Variants in EML4 observed in about 807,000 individuals in gnomAD.
EML4 encodes the protein EMAP like 4, also known as echinoderm microtubule-associated protein-like 4.
Under a neutral mutation model 129.0 loss-of-function variants are expected in EML4, and 72 were observed. That is an observed-to-expected ratio of 0.56 (90% CI 0.46 to 0.68). The LOEUF (loss-of-function observed/expected upper bound fraction) is 0.68, where lower values mean the gene tolerates loss of function less well. Among genes scored for constraint, EML4 ranks in the 30% least tolerant of loss-of-function variants. The pLI, the probability that EML4 is intolerant of heterozygous loss-of-function variation, is 0.00. For synonymous variants in EML4, 532 were observed against 405.0 expected, an observed-to-expected ratio of 1.31 and a Z score of -3.77; for missense variants, 1,363 against 1,190.6, an observed-to-expected ratio of 1.14 and a Z score of -2.13.
At chr2:42,315,844 T>C (rs1167071520) in intron 17 of EML4, 118 bp from the exon 18 acceptor site, 1 of 699,736 alleles carries the variant, frequency 1.4e-6, no homozygotes, top group Non-Finnish European at 2.5e-6. Context: ...GATCACTCCA[T>C]GCACACCAGC....
At position 42,169,452 on chromosome 2, in the gene EML4, C is replaced by G. The variant is rs1670116068; in HGVS notation, c.-160C>G. 1.4e-6 allele frequency: 1 copy of G among 729,190 alleles called. No homozygotes were observed. Among genetic ancestry groups the G allele is most frequent in the Admixed American group, 3.5e-5 (1 of 28,396 alleles). 45.2% of individuals were successfully genotyped at this position (729,190 alleles called of 1,614,324 possible). On this transcript the variant is annotated 5_prime_UTR_variant, in exon 1 of 23. Transcript: ENST00000318522. Reference sequence around the variant, plus strand: ...AAGTGGTTCGGGCGGCCGCGGCTTACTACCCCAGGGCGAACGGACGGACGA... The same window carrying G: ...AAGTGGTTCGGGCGGCCGCGGCTTAGTACCCCAGGGCGAACGGACGGACGA...
At chr2:42,234,632 A>G (rs566250014) in intron 1 of EML4, among the ~76,000 whole-genome samples, 1 of 152,320 alleles carries the variant, frequency 6.6e-6, no homozygotes, top group East Asian at 1.9e-4. Context: ...ACACTTGTAT[A>G]AAGTACTTAA....
chr2:42,202,726 C>G (rs888044004), intron 1 of EML4, among the ~76,000 whole-genome samples: 1 of 152,134 alleles, frequency 6.6e-6, no homozygotes, highest in African/African-American at 2.4e-5. Flanking sequence ...TTGTGCCCAC[C>G]CCGATTGAGG....
At chr2:42,191,037 AC>A (rs2103899476) in intron 1 of EML4, among the ~76,000 whole-genome samples, 1 of 152,292 alleles carries the variant, frequency 6.6e-6, no homozygotes, top group East Asian at 1.9e-4. Flanking sequence ...GTCATATCTT[AC>A]ATTGAATTTT....
chr2:42,227,818 A>G (rs1674072554), intron 1 of EML4, among the ~76,000 whole-genome samples: 1 of 152,200 alleles, frequency 6.6e-6, no homozygotes, highest in African/African-American at 2.4e-5. Context: ...ACCTTATAAA[A>G]CTATAGAATA....
Position 42,303,084 on chromosome 2 carries a change from C to G in EML4, c.1642-20C>G, listed in dbSNP as rs375953598. On this transcript the variant is annotated intron_variant, in intron 14 of 22. Transcript: ENST00000318522. ...ATGCATATTAGTATGTATATGGTGA[C>G]TTTACACTTTTTTTTCTAGGTTCCT... The G allele has an allele frequency of 1.2e-6, 2 of 1,612,626 alleles. No individual in the cohort carries two copies. Among genetic ancestry groups the G allele is most frequent in the African/African-American group, 1.3e-5 (1 of 74,766 alleles).
intron 1 of EML4, among the ~76,000 whole-genome samples, chr2:42,171,973 C>G (rs923393745): frequency 3.9e-5 from 6 of 151,992 alleles, no homozygotes; most frequent in Admixed American, 3.3e-4. Flanking sequence ...TAGCCTAGAG[C>G]TTAGAGTTAC....
intron 17 of EML4, 149 bp from the exon 18 acceptor site, chr2:42,315,813 T>C: frequency 1.7e-6 from 1 of 593,478 alleles, no homozygotes. Flanking sequence ...AGCCCAGAAG[T>C]TCAAGGCTGT....
intron 1 of EML4, among the ~76,000 whole-genome samples, chr2:42,231,767 G>A (rs886870606): frequency 2.0e-5 from 3 of 152,120 alleles, no homozygotes; most frequent in African/African-American, 7.2e-5. Flanking sequence ...GGCTAATATG[G>A]TGAAACCCTG....
Position 42,329,753 on chromosome 2 carries a change from GT to G in EML4, c.2493del (p.Ser831ArgfsTer19). ...ATATAGGCTCCCAGTCACAAGTACA[GT>G]GCCCACAGCAGCCATGTCACCAATG... ...SKAKAPSHKY[S>X]AHSSHVTNVS... On this transcript the variant is annotated frameshift_variant, in exon 23 of 23. Coordinates refer to ENST00000318522, the MANE Select transcript of EML4 (RefSeq NM_019063.5). LOFTEE classifies it high-confidence loss of function. The G allele has an allele frequency of 6.2e-7, 1 of 1,613,950 alleles. No homozygotes were observed. The highest frequency in any genetic ancestry group is 8.5e-7 in the Non-Finnish European group (1 of 1,179,916).
In EML4 at chr2:42,261,216, C is replaced by T. The variant is rs201901757; in HGVS notation, c.434C>T (p.Pro145Leu). The T allele has an allele frequency of 1.9e-6, 3 of 1,613,832 alleles. No individual in the cohort carries two copies. Among genetic ancestry groups the T allele is most frequent in the Non-Finnish European group, 2.5e-6 (3 of 1,179,952 alleles). Residue 145 changes from proline (P) to leucine (L), a missense_variant, in exon 4 of 23, where the codon CCT (proline) becomes CTT (leucine). Transcript: ENST00000318522. Reference protein sequence around the residue: ...NDQSPQIRASPSPQPSSQPLQ... With the variant: ...NDQSPQIRASLSPQPSSQPLQ... Reference sequence around the variant, plus strand: ...CAAAGTCCACAAATTCGAGCATCACCTTCTCCCCAGCCCTCTTCACAACCT... The same window carrying T: ...CAAAGTCCACAAATTCGAGCATCACTTTCTCCCCAGCCCTCTTCACAACCT...
intron 19 of EML4, chr2:42,325,136 G>A: frequency 2.0e-6 from 1 of 506,628 alleles, no homozygotes; most frequent in Non-Finnish European, 4.0e-6. Context: ...ACTCTCATGG[G>A]GACACCAGTG....
intron 1 of EML4, among the ~76,000 whole-genome samples, chr2:42,212,879 T>G (rs1672964329): frequency 6.6e-6 from 1 of 152,228 alleles, no homozygotes; most frequent in South Asian, 2.1e-4. Context: ...AGCACTTGAC[T>G]AAGAGTCTGA....
intron 1 of EML4, among the ~76,000 whole-genome samples, chr2:42,202,648 T>C (rs1353846358): frequency 6.6e-6 from 1 of 152,164 alleles, no homozygotes; most frequent in Non-Finnish European, 1.5e-5. Flanking sequence ...GCCAGAAGAC[T>C]ACATCAGTCT....
At chr2:42,185,857 C>T (rs559445439) in intron 1 of EML4, among the ~76,000 whole-genome samples, 57 of 152,204 alleles carry the variant, frequency 3.7e-4, no homozygotes, top group South Asian at 1.0e-3. Flanking sequence ...CTAGGAGAGA[C>T]ATGAAGGGCC....
intron 21 of EML4, among the ~76,000 whole-genome samples, chr2:42,327,743 AAAG>A (rs1165030360): frequency 6.6e-6 from 1 of 152,248 alleles, no homozygotes; most frequent in East Asian, 1.9e-4. Flanking sequence ...CGTTATTTGC[AAAG>A]AATTAAAAAG....
chr2:42,258,813 T>G (rs1027827961), intron 3 of EML4, among the ~76,000 whole-genome samples: 3 of 152,252 alleles, frequency 2.0e-5, no homozygotes, highest in African/African-American at 7.2e-5. Flanking sequence ...AAATGTCACT[T>G]GACATTAAAA....
At chr2:42,309,698 A>G (rs1668825490) in intron 17 of EML4, among the ~76,000 whole-genome samples, 2 of 152,156 alleles carry the variant, frequency 1.3e-5, no homozygotes, top group South Asian at 2.1e-4. Context: ...TATCCTCTTT[A>G]GAGAAATGTA....
At chr2:42,257,651 C>T (rs565082934) in intron 3 of EML4, among the ~76,000 whole-genome samples, 3 of 152,082 alleles carry the variant, frequency 2.0e-5, no homozygotes, top group Admixed American at 6.5e-5. Context: ...CTGGCTAACA[C>T]GGTGAAACCC....
Sources: allele counts gnomAD v4.1 joint callset (sites outside exome capture counted in the v4.1 genomes callset), GRCh38; gene constraint gnomAD v4.1.1; transcripts MANE v1.5; gene names NCBI Gene and HGNC (gene_info 2026-07-23, HGNC 2026-07-21).